The following MEF2C variants were observed in gnomAD, a reference collection of about 807,000 sequenced individuals.
MEF2C encodes myocyte enhancer factor 2C.
In MEF2C, 6 loss-of-function variants were observed where a neutral mutation model predicts 50.5. The observed-to-expected ratio is 0.12, with a 90% CI of 0.07 to 0.23. MEF2C has a LOEUF of 0.23. Among genes scored for constraint, MEF2C ranks in the 10% least tolerant of loss-of-function variants. MEF2C has a pLI of 1.00. For synonymous variants in MEF2C, 183 were observed against 228.0 expected (o/e 0.80, Z 1.78); for missense variants, 276 against 605.0 (o/e 0.46, Z 5.70).
intron 1 of MEF2C, among the ~76,000 whole-genome samples, chr5:88,857,175 G>A (rs1823735060): frequency 6.6e-6 from 1 of 152,224 alleles, no homozygotes; most frequent in African/African-American, 2.4e-5. Flanking sequence ...GATCATTTTG[G>A]AAATTTAAAG....
chr5:88,795,411 G>A (rs1795599668), intron 3 of MEF2C, among the ~76,000 whole-genome samples: 1 of 152,104 alleles, frequency 6.6e-6, no homozygotes. Flanking sequence ...TAGCAATTAT[G>A]AATGGGAGTT....
intron 2 of MEF2C, among the ~76,000 whole-genome samples, chr5:88,813,550 G>C (rs1335299763): frequency 6.6e-6 from 1 of 152,002 alleles, no homozygotes; most frequent in African/African-American, 2.4e-5. Flanking sequence ...TTGCAGGAAA[G>C]AGTTCTGAAA....
intron 1 of MEF2C, among the ~76,000 whole-genome samples, chr5:88,866,820 C>T (rs561965828): frequency 1.1e-4 from 17 of 152,274 alleles, no homozygotes; most frequent in African/African-American, 3.6e-4. Flanking sequence ...GAATATCCAT[C>T]TGCACTAATT....
chr5:88,851,214 A>T (rs535912404), intron 1 of MEF2C, among the ~76,000 whole-genome samples: 1 of 140,412 alleles, frequency 7.1e-6, no homozygotes, highest in Non-Finnish European at 1.5e-5. Context: ...GCCTGGTGAC[A>T]GAGTGCCACT....
chr5:88,764,332 CA>C (rs1209351842), intron 3 of MEF2C, among the ~76,000 whole-genome samples: 1 of 152,194 alleles, frequency 6.6e-6, no homozygotes. Flanking sequence ...TGCCAGGTCT[CA>C]AACCCATATG....
At chr5:88,812,620 T>A (rs1289173342) in intron 2 of MEF2C, among the ~76,000 whole-genome samples, 1 of 152,134 alleles carries the variant, frequency 6.6e-6, no homozygotes, top group Non-Finnish European at 1.5e-5. Context: ...TCTAAGAAGT[T>A]CAACGATTTT....
At chr5:88,843,163 G>T in intron 1 of MEF2C, 2 of 240,912 alleles carry the variant, frequency 8.3e-6, no homozygotes, top group Non-Finnish European at 1.3e-5. Context: ...TGGGAGGGAT[G>T]AAGGGCTTTA....
At chr5:88,730,554 C>T (rs1322078449) in intron 7 of MEF2C, among the ~76,000 whole-genome samples, 1 of 152,252 alleles carries the variant, frequency 6.6e-6, no homozygotes, top group South Asian at 2.1e-4. Context: ...GGGAGCTACA[C>T]ACCTGGCTGC....
At chr5:88,884,084 T>C (rs1292945656), upstream of MEF2C, among the ~76,000 whole-genome samples, 1 of 152,240 alleles carries the variant, frequency 6.6e-6, no homozygotes, top group Non-Finnish European at 1.5e-5. Context: ...TGCGGCTCCC[T>C]GCTCCTCTCG....
intron 1 of MEF2C, chr5:88,903,820 A>C (rs1331030920): frequency 1.3e-5 from 2 of 151,966 alleles, no homozygotes; most frequent in African/African-American, 4.8e-5. Flanking sequence ...TGGTCTCATC[A>C]ACTTTGTGAA....
At chr5:88,896,944 T>TACAC (rs58754057) in intron 1 of MEF2C, among the ~76,000 whole-genome samples, 26,952 of 150,402 alleles carry the variant, frequency 0.18, 2,608 homozygotes, top group Non-Finnish European at 0.23. Flanking sequence ...TCAGTAAAGC[T>TACAC]ACACACACAC....
At chr5:88,811,748 A>G (rs1194157678) in intron 2 of MEF2C, among the ~76,000 whole-genome samples, 1 of 152,190 alleles carries the variant, frequency 6.6e-6, no homozygotes, top group Non-Finnish European at 1.5e-5. Flanking sequence ...CTGAAAATGC[A>G]CAGAAAAATA....
intron 1 of MEF2C, chr5:88,889,389 TC>T (rs35847525): frequency 0.016 from 2,297 of 144,322 alleles, 43 homozygotes; most frequent in African/African-American, 0.044. Context: ...TCCCCCCCCT[TC>T]CCCCCCCCCT....
chr5:88,730,847 G>C (rs548024193), intron 7 of MEF2C, among the ~76,000 whole-genome samples: 113 of 152,118 alleles, frequency 7.4e-4, no homozygotes, highest in Non-Finnish European at 1.3e-3. Context: ...ACAGAGCAGA[G>C]AAAGAAAAAA....
At position 88,770,416 on chromosome 5, in the gene MEF2C, G is replaced by A. The variant is rs557110040; in HGVS notation, c.259-9088C>T. Reference sequence around the variant, plus strand: ...CTTTTTATTCAATTTGAGTCTATGCGTGATTAGTCATTTGAAATGCGAGTA... The same window carrying A: ...CTTTTTATTCAATTTGAGTCTATGCATGATTAGTCATTTGAAATGCGAGTA... On this transcript the variant is annotated intron_variant, in intron 3 of 10. Transcript: ENST00000504921. 4.6e-5 allele frequency among the ~76,000 whole-genome samples: 7 copies of A among 152,170 alleles called. No homozygotes were observed. The South Asian group carries it at 1.0e-3, about 23-fold the overall frequency.
At position 88,721,613 on chromosome 5, in the gene MEF2C, G is replaced by C. The variant is rs922078074; in HGVS notation, c.*991C>G. The C allele has an allele frequency of 1.3e-5, 2 of 152,380 alleles. No individual in the cohort carries two copies. The highest frequency in any genetic ancestry group is 4.8e-5 in the African/African-American group (2 of 41,358). The allele number at this position is 152,380 out of a possible 1,614,324, so 9.4% of individuals were successfully genotyped here. ...ATATATATTAGAAAGCTATACACAA[G>C]CATGTTAATTTCACAGATTTTTTTA... is the stretch of plus-strand genomic sequence containing the variant. On this transcript the variant is annotated 3_prime_UTR_variant, in exon 11 of 11. Coordinates refer to ENST00000504921, the MANE Select transcript of MEF2C (RefSeq NM_002397.5).
chr5:88,871,586 G>A (rs184283914), intron 1 of MEF2C, among the ~76,000 whole-genome samples: 250 of 152,090 alleles, frequency 1.6e-3, no homozygotes, highest in South Asian at 0.011. Flanking sequence ...AACTAGCCAG[G>A]TTGTATAAAC....
intron 10 of MEF2C, among the ~76,000 whole-genome samples, chr5:88,724,244 A>C (rs1757607595): frequency 6.6e-6 from 1 of 152,162 alleles, no homozygotes; most frequent in Non-Finnish European, 1.5e-5. Context: ...TAACAATGTC[A>C]TTATGACCAC....
intron 3 of MEF2C, chr5:88,780,886 A>G (rs1787673244): frequency 1.0e-6 from 1 of 984,946 alleles, no homozygotes; most frequent in Admixed American, 6.2e-5. Flanking sequence ...TTTCTCTCTC[A>G]TTGTCTAACT....
Sources: gnomAD v4.1 joint callset for allele counts (sites outside exome capture counted in the v4.1 genomes callset) on GRCh38, gnomAD v4.1.1 for gene constraint, MANE v1.5 for transcripts, NCBI Gene and HGNC (gene_info 2026-07-23, HGNC 2026-07-21) for gene names.